Variants in TENM4 observed in about 807,000 individuals in gnomAD.
TENM4 encodes teneurin transmembrane protein 4.
A neutral mutation model predicts 243.3 loss-of-function variants in TENM4; 82 were observed. The observed-to-expected ratio is 0.34, with a 90% CI of 0.28 to 0.40. The LOEUF is 0.40. TENM4 is among the 10% of genes least tolerant of loss of function. The pLI, the probability that TENM4 is intolerant of heterozygous loss-of-function variation, is 1.00. For missense variants in TENM4, 3,138 were observed against 3,673.3 expected (o/e 0.85, Z 3.77); for synonymous variants, 1,412 against 1,456.3 (o/e 0.97, Z 0.69).
At chr11:79,150,159 A>G (rs890640517) in intron 3 of TENM4, among the ~76,000 whole-genome samples, 6 of 152,040 alleles carry the variant, frequency 3.9e-5, no homozygotes, top group Admixed American at 1.3e-4. Context: ...TCATCTTTCA[A>G]ATCCATCCTT....
intron 1 of TENM4, among the ~76,000 whole-genome samples, chr11:79,371,822 C>T (rs1311942532): frequency 6.6e-6 from 1 of 152,192 alleles, no homozygotes; most frequent in Non-Finnish European, 1.5e-5. Flanking sequence ...CACCAGCCCC[C>T]TGTAATTCTG....
chr11:79,338,709 C>T (rs1857192731), intron 1 of TENM4, among the ~76,000 whole-genome samples: 2 of 152,178 alleles, frequency 1.3e-5, no homozygotes, highest in Admixed American at 1.3e-4. Context: ...TCCAAATTTT[C>T]TGGGTGACCT....
chr11:79,386,632 T>C (rs928663405), intron 1 of TENM4, among the ~76,000 whole-genome samples: 3 of 152,056 alleles, frequency 2.0e-5, no homozygotes, highest in Admixed American at 6.5e-5. Flanking sequence ...AAATGGCCAG[T>C]AAACACATGA....
intron 4 of TENM4, among the ~76,000 whole-genome samples, chr11:79,128,335 T>C (rs1417673339): frequency 6.6e-6 from 1 of 152,222 alleles, no homozygotes; most frequent in Non-Finnish European, 1.5e-5. Context: ...CTGTACTGTC[T>C]ATCATGAACT....
intron 6 of TENM4, among the ~76,000 whole-genome samples, chr11:78,996,874 G>A (rs944943210): frequency 2.6e-5 from 4 of 152,286 alleles, no homozygotes; most frequent in East Asian, 1.9e-4. Flanking sequence ...AAGGGCCGGG[G>A]CATGGTTCCA....
intron 28 of TENM4, among the ~76,000 whole-genome samples, chr11:78,695,466 T>A: frequency 6.6e-6 from 1 of 152,238 alleles, no homozygotes; most frequent in African/African-American, 2.4e-5. Flanking sequence ...TGGATTTAAG[T>A]GATTCTCCTG....
intron 4 of TENM4, among the ~76,000 whole-genome samples, chr11:79,084,422 G>T (rs1304554118): frequency 1.3e-5 from 2 of 152,150 alleles, no homozygotes; most frequent in Non-Finnish European, 2.9e-5. Flanking sequence ...GTACAATGAT[G>T]TTCATAAAAG....
chr11:79,223,184 A>C (rs1288292063), intron 2 of TENM4, among the ~76,000 whole-genome samples: 1 of 152,190 alleles, frequency 6.6e-6, no homozygotes. Flanking sequence ...TCATCTGAGA[A>C]AGATCGTGTG....
At chr11:78,948,691 C>T (rs1257193088) in intron 6 of TENM4, among the ~76,000 whole-genome samples, 16 of 152,156 alleles carry the variant, frequency 1.1e-4, no homozygotes, top group Admixed American at 1.0e-3. Flanking sequence ...TTTTTTATAG[C>T]ATTTAGAAAA....
At chr11:79,020,827 A>G (rs1858907209) in intron 6 of TENM4, among the ~76,000 whole-genome samples, 2 of 152,158 alleles carry the variant, frequency 1.3e-5, no homozygotes, top group South Asian at 4.1e-4. Flanking sequence ...ATCGCTGAGC[A>G]CCTACTCTAT....
At chr11:79,132,042 T>C (rs747501954) in intron 4 of TENM4, among the ~76,000 whole-genome samples, 9 of 151,982 alleles carry the variant, frequency 5.9e-5, no homozygotes, top group Non-Finnish European at 1.2e-4. Flanking sequence ...AAACAATTAC[T>C]AATAGACCTA....
intron 2 of TENM4, among the ~76,000 whole-genome samples, chr11:79,246,929 T>G (rs1309503490): frequency 1.3e-5 from 2 of 151,786 alleles, no homozygotes; most frequent in East Asian, 3.9e-4. Context: ...TTGCAATTAT[T>G]TGTTGGACAG....
chr11:78,896,351 C>T (rs1347073476), intron 7 of TENM4, among the ~76,000 whole-genome samples: 1 of 151,926 alleles, frequency 6.6e-6, no homozygotes, highest in South Asian at 2.1e-4. Flanking sequence ...GGCAGCTGAA[C>T]AAATGAATGG....
At chr11:79,241,328 A>G (rs1431158338) in intron 2 of TENM4, among the ~76,000 whole-genome samples, 1 of 152,016 alleles carries the variant, frequency 6.6e-6, no homozygotes, top group Non-Finnish European at 1.5e-5. Context: ...CCAGGCAGCA[A>G]GGTGGCAAGC....
intron 4 of TENM4, among the ~76,000 whole-genome samples, chr11:79,075,904 A>T (rs1412890756): frequency 6.6e-6 from 1 of 152,246 alleles, no homozygotes; most frequent in Non-Finnish European, 1.5e-5. Flanking sequence ...TGGGCACTGG[A>T]GGTTCCAGAG....
Position 78,786,886 on chromosome 11 carries a change from G to T in TENM4, c.2365+12C>A, listed in dbSNP as rs371595061. ...ACCAGAGAAGGTACCCGGGGACCTC[G>T]GCCCGCCATACCGATGGTGCAGTGT... On this transcript the variant is annotated intron_variant, in intron 16 of 33. Coordinates refer to ENST00000278550, the MANE Select transcript of TENM4 (RefSeq NM_001098816.3). The T allele has an allele frequency of 6.3e-7, 1 of 1,590,822 alleles. No homozygotes were observed. Among genetic ancestry groups the T allele is most frequent in the Admixed American group, 1.7e-5 (1 of 58,010 alleles).
At chr11:78,719,488 T>C (rs1169338506) in intron 25 of TENM4, among the ~76,000 whole-genome samples, 7 of 152,210 alleles carry the variant, frequency 4.6e-5, no homozygotes, top group Non-Finnish European at 8.8e-5. Flanking sequence ...CATTACTGGA[T>C]TCTGGGTCTG....
chr11:79,261,731 G>T (rs1429049854), intron 2 of TENM4, among the ~76,000 whole-genome samples: 1 of 152,124 alleles, frequency 6.6e-6, no homozygotes, highest in Non-Finnish European at 1.5e-5. Flanking sequence ...GTTTGGAGAT[G>T]AAACCATTTA....
intron 9 of TENM4, among the ~76,000 whole-genome samples, chr11:78,863,457 T>C (rs1858877139): frequency 6.6e-6 from 1 of 152,208 alleles, no homozygotes; most frequent in Non-Finnish European, 1.5e-5. Flanking sequence ...TATGACAATG[T>C]TAATTTCCTT....
Sources: allele counts gnomAD v4.1 joint callset (sites outside exome capture counted in the v4.1 genomes callset), GRCh38; gene constraint gnomAD v4.1.1; transcripts MANE v1.5; gene names NCBI Gene and HGNC (gene_info 2026-07-23, HGNC 2026-07-21).